Variants in TNFAIP8 observed in about 807,000 individuals in gnomAD.
The protein encoded by TNFAIP8 is tumor necrosis factor alpha-induced protein 8.
In TNFAIP8, 7 loss-of-function variants were observed where a neutral mutation model predicts 13.3. The ratio of observed to expected loss-of-function variants is 0.52; its 90% CI spans 0.30 to 0.99. The LOEUF is 0.99. Among genes scored for constraint, TNFAIP8 ranks in the 50% least tolerant of loss-of-function variants. The probability of loss-of-function intolerance (pLI) is 0.07; values close to 1 mark genes in which losing one functional copy is unlikely to be tolerated. For synonymous variants in TNFAIP8, 94 were observed against 87.6 expected (o/e 1.07, Z -0.41); for missense variants, 258 against 236.9 (o/e 1.09, Z -0.58).
At chr5:119,270,013 A>G (rs552089236) in intron 1 of TNFAIP8, among the ~76,000 whole-genome samples, 5 of 152,376 alleles carry the variant, frequency 3.3e-5, no homozygotes, top group African/African-American at 9.6e-5. Context: ...CTATGAAAGT[A>G]AAATATTCTC....
chr5:119,356,913 G>T (rs1410431317), intron 1 of TNFAIP8, among the ~76,000 whole-genome samples: 1 of 152,146 alleles, frequency 6.6e-6, no homozygotes, highest in Non-Finnish European at 1.5e-5. Context: ...TGGGGGGTGG[G>T]AGTAAGGGTG....
At chr5:119,353,352 A>T (rs1227405751), upstream of TNFAIP8, among the ~76,000 whole-genome samples, 1 of 152,260 alleles carries the variant, frequency 6.6e-6, no homozygotes, top group Non-Finnish European at 1.5e-5. Flanking sequence ...GGCCAAGGGG[A>T]GCCCTAGAGA....
chr5:119,373,031 A>G (rs181154549), intron 1 of TNFAIP8, among the ~76,000 whole-genome samples: 35 of 152,250 alleles, frequency 2.3e-4, no homozygotes, highest in South Asian at 4.1e-4. Context: ...TCTTTGTCCT[A>G]TATCTCTACC....
intron 1 of TNFAIP8, among the ~76,000 whole-genome samples, chr5:119,301,636 G>A (rs1749398360): frequency 6.6e-6 from 1 of 152,116 alleles, no homozygotes; most frequent in African/African-American, 2.4e-5. Flanking sequence ...AATATGGGTG[G>A]AATTAACTTT....
intron 1 of TNFAIP8, among the ~76,000 whole-genome samples, chr5:119,279,427 A>G (rs1446240231): frequency 6.6e-6 from 1 of 152,230 alleles, no homozygotes; most frequent in Non-Finnish European, 1.5e-5. Context: ...AGGATGAACC[A>G]TGGTGGTGTG....
At chr5:119,358,268 A>AC (rs140056179) in intron 1 of TNFAIP8, among the ~76,000 whole-genome samples, 2 of 152,284 alleles carry the variant, frequency 1.3e-5, no homozygotes, top group East Asian at 3.9e-4. Context: ...GTAGTGAGAG[A>AC]CTAGTATACT....
intron 1 of TNFAIP8, among the ~76,000 whole-genome samples, chr5:119,342,475 C>G (rs1459386758): frequency 1.3e-5 from 2 of 152,238 alleles, no homozygotes; most frequent in South Asian, 2.1e-4. Flanking sequence ...TGTCATATTC[C>G]TTCCTCAAAG....
At chr5:119,385,373 T>C (rs1440801103) in intron 1 of TNFAIP8, among the ~76,000 whole-genome samples, 1 of 152,228 alleles carries the variant, frequency 6.6e-6, no homozygotes, top group Non-Finnish European at 1.5e-5. Context: ...AGTGACCTTG[T>C]CAGCCCCTGT....
intron 1 of TNFAIP8, among the ~76,000 whole-genome samples, chr5:119,365,833 G>A (rs1751831448): frequency 6.6e-6 from 1 of 152,174 alleles, no homozygotes; most frequent in African/African-American, 2.4e-5. Context: ...GAAGAAAAGA[G>A]AATTAAAGAG....
intron 1 of TNFAIP8, among the ~76,000 whole-genome samples, chr5:119,349,724 A>G (rs545118587): frequency 2.6e-5 from 4 of 152,388 alleles, no homozygotes; most frequent in Admixed American, 2.0e-4. Context: ...TAGCATATTT[A>G]AAGCATTGAA....
At chr5:119,324,274 CAAAAAAAAAAAAAAAAAA>C (rs56104829) in intron 1 of TNFAIP8, among the ~76,000 whole-genome samples, 25 of 77,670 alleles carry the variant, frequency 3.2e-4, no homozygotes, top group South Asian at 9.0e-4. Context: ...GACGCCATCT[CAAAAAAAAAAAAAAAAAA>C]AAAAAAAAAA....
At chr5:119,359,183 A>G (rs1751545267) in intron 1 of TNFAIP8, among the ~76,000 whole-genome samples, 1 of 152,164 alleles carries the variant, frequency 6.6e-6, no homozygotes. Flanking sequence ...CAGTCAGCCC[A>G]TATCCTTCCT....
At chr5:119,270,568 G>A (rs1459196973) in intron 1 of TNFAIP8, among the ~76,000 whole-genome samples, 1 of 152,174 alleles carries the variant, frequency 6.6e-6, no homozygotes, top group Non-Finnish European at 1.5e-5. Context: ...TAATATTCTA[G>A]CTAGTAACAC....
chr5:119,356,456 C>A (rs756931973), intron 1 of TNFAIP8, among the ~76,000 whole-genome samples: 1 of 151,972 alleles, frequency 6.6e-6, no homozygotes, highest in Admixed American at 6.6e-5. Flanking sequence ...TGCCTGCCTG[C>A]ATCAGAAAGA....
chr5:119,283,748 C>A (rs796857907), intron 1 of TNFAIP8, among the ~76,000 whole-genome samples: 2 of 152,272 alleles, frequency 1.3e-5, no homozygotes, highest in Non-Finnish European at 2.9e-5. Context: ...AGCTCATGAG[C>A]CTGACTGCCC....
At chr5:119,272,308 T>C (rs1246021447) in intron 1 of TNFAIP8, among the ~76,000 whole-genome samples, 2 of 152,184 alleles carry the variant, frequency 1.3e-5, no homozygotes, top group Admixed American at 1.3e-4. Context: ...AGGCATTTAT[T>C]GAGCTCCTGC....
chr5:119,319,473 A>C (rs114023448), intron 1 of TNFAIP8, among the ~76,000 whole-genome samples: 97 of 152,290 alleles, frequency 6.4e-4, no homozygotes, highest in African/African-American at 2.2e-3. Flanking sequence ...TTGATGGTCA[A>C]ATTTTCTCCT....
At chr5:119,310,943 A>T (rs2112670329) in intron 1 of TNFAIP8, among the ~76,000 whole-genome samples, 1 of 152,308 alleles carries the variant, frequency 6.6e-6, no homozygotes, top group Non-Finnish European at 1.5e-5. Context: ...AAGAGTTTTC[A>T]AACAAAAGCA....
chr5:119,375,443 A>G (rs17385858), intron 1 of TNFAIP8, among the ~76,000 whole-genome samples: 2,677 of 152,326 alleles, frequency 0.018, 48 homozygotes, highest in Non-Finnish European at 0.029. Context: ...TTTATTTTGC[A>G]ACTACTTATA....
Sources: gnomAD v4.1 joint callset for allele counts (sites outside exome capture counted in the v4.1 genomes callset) on GRCh38, gnomAD v4.1.1 for gene constraint, MANE v1.5 for transcripts, NCBI Gene and HGNC (gene_info 2026-07-23, HGNC 2026-07-21) for gene names.